The following HDAC4 variants were observed in gnomAD, a reference collection of about 807,000 sequenced individuals.
HDAC4 encodes the protein histone deacetylase 4.
Under a neutral mutation model 135.1 loss-of-function variants are expected in HDAC4, and 16 were observed. That is an observed-to-expected ratio of 0.12 (90% CI 0.08 to 0.18). The LOEUF (loss-of-function observed/expected upper bound fraction) is 0.18. HDAC4 is among the 10% of genes least tolerant of loss of function. The pLI is 1.00. For synonymous variants in HDAC4, 685 were observed against 653.4 expected, an observed-to-expected ratio of 1.05 and a Z score of -0.74; for missense variants, 1,143 against 1,511.8, an observed-to-expected ratio of 0.76 and a Z score of 4.05.
At chr2:239,315,603 T>C (rs2053083940) in intron 2 of HDAC4, among the ~76,000 whole-genome samples, 1 of 151,970 alleles carries the variant, frequency 6.6e-6, no homozygotes, top group African/African-American at 2.4e-5. Context: ...GAAACAGAAG[T>C]ACAGACGGAA....
intron 3 of HDAC4, among the ~76,000 whole-genome samples, chr2:239,230,368 C>CAAAAA (rs56105562): frequency 2.8e-3 from 221 of 79,244 alleles, no homozygotes; most frequent in African/African-American, 4.3e-3. Context: ...AGCAAGCAAG[C>CAAAAA]AAAAAAAAAA....
At chr2:239,111,915 G>T (rs551584650) in intron 13 of HDAC4, among the ~76,000 whole-genome samples, 1 of 152,312 alleles carries the variant, frequency 6.6e-6, no homozygotes, top group East Asian at 1.9e-4. Context: ...CAAGAACGAG[G>T]CCAGCACAGG....
In HDAC4 at chr2:239,152,277, G is replaced by A. The variant is rs571301023; in HGVS notation, c.733+4375C>T. Among the ~76,000 whole-genome samples, 29 of 152,196 alleles carry A rather than the reference G, an allele frequency of 1.9e-4. No homozygotes were observed. The East Asian group carries it at 2.7e-3, about 14-fold the overall frequency. On this transcript the variant is annotated intron_variant, in intron 7 of 26. Transcript: ENST00000543185. The stretch of plus-strand genomic sequence containing the variant: ...CCACACAGTGCAGGAAAGATCCAGC[G>A]TCCTATGTCCATGACAGTGATCCAC...
chr2:239,349,578 C>G lies in HDAC4; in HGVS notation c.22+3100G>C, dbSNP rs931856829. Reference sequence around the variant, plus strand: ...TTGGGAAGGCACACAAGCGAGTGGGCCTCGCCCAGGAGGGAGGGCACGGTT... The same window carrying G: ...TTGGGAAGGCACACAAGCGAGTGGGGCTCGCCCAGGAGGGAGGGCACGGTT... On this transcript the variant is annotated intron_variant, in intron 2 of 26. Coordinates refer to ENST00000543185, the MANE Select transcript of HDAC4 (RefSeq NM_001378414.1). The surrounding 1 kb of genome is among the most constrained non-coding windows in gnomAD (Gnocchi z 5.7). Among the ~76,000 whole-genome samples the G allele has an allele frequency of 2.6e-5, 4 of 152,182 alleles. No homozygotes were observed. The highest frequency in any genetic ancestry group is 4.4e-5 in the Non-Finnish European group (3 of 68,036).
intron 2 of HDAC4, among the ~76,000 whole-genome samples, chr2:239,257,167 A>G (rs2049095617): frequency 6.6e-6 from 1 of 152,186 alleles, no homozygotes; most frequent in Non-Finnish European, 1.5e-5. Flanking sequence ...CTTATAGAAG[A>G]ATTTTGTTTT....
chr2:239,196,534 G>A (rs756455695), intron 3 of HDAC4, among the ~76,000 whole-genome samples: 3 of 152,238 alleles, frequency 2.0e-5, no homozygotes, highest in Non-Finnish European at 4.4e-5. Context: ...AGTTGACGAT[G>A]GTTCCCGGGA....
chr2:239,385,757 A>C (rs977381081), intron 1 of HDAC4, among the ~76,000 whole-genome samples: 12 of 152,188 alleles, frequency 7.9e-5, no homozygotes, highest in Non-Finnish European at 1.5e-4. Context: ...ACAACTCACA[A>C]AGGGGACAGG....
intron 6 of HDAC4, among the ~76,000 whole-genome samples, chr2:239,157,720 A>G (rs922301287): frequency 2.6e-5 from 4 of 152,262 alleles, no homozygotes; most frequent in Non-Finnish European, 5.9e-5. Flanking sequence ...AGACTATTTG[A>G]ATACATAGTA....
chr2:239,166,467 G>A (rs2043128370), intron 5 of HDAC4, among the ~76,000 whole-genome samples: 1 of 152,202 alleles, frequency 6.6e-6, no homozygotes, highest in Non-Finnish European at 1.5e-5. Flanking sequence ...TGACTGCGGT[G>A]AGCACTGCCC....
chr2:239,242,649 C>T (rs1490729758), intron 2 of HDAC4, among the ~76,000 whole-genome samples: 1 of 152,180 alleles, frequency 6.6e-6, no homozygotes, highest in Non-Finnish European at 1.5e-5. Flanking sequence ...ATTCTGCTGG[C>T]TCAGTCCTAC....
At chr2:239,195,299 T>C (rs541636945) in intron 3 of HDAC4, among the ~76,000 whole-genome samples, 19 of 152,322 alleles carry the variant, frequency 1.2e-4, no homozygotes, top group Admixed American at 8.5e-4. Context: ...CTGCATCCCA[T>C]GCGCACCTCC....
At chr2:239,107,318 C>T (rs1428870237) in intron 15 of HDAC4, among the ~76,000 whole-genome samples, 1 of 152,244 alleles carries the variant, frequency 6.6e-6, no homozygotes, top group Non-Finnish European at 1.5e-5. Context: ...GGCTCTGGTT[C>T]CTATCAGGAG....
At chr2:239,289,002 G>A (rs1052812533) in intron 2 of HDAC4, among the ~76,000 whole-genome samples, 1 of 152,200 alleles carries the variant, frequency 6.6e-6, no homozygotes, top group Admixed American at 6.5e-5. Context: ...AGGGGAGTGC[G>A]GCTGCAGCGC....
At chr2:239,143,760 T>G (rs1383618247) in intron 8 of HDAC4, among the ~76,000 whole-genome samples, 1 of 152,228 alleles carries the variant, frequency 6.6e-6, no homozygotes, top group Non-Finnish European at 1.5e-5. Flanking sequence ...CCTCCCCGGC[T>G]TCCCTAGGTC....
chr2:239,087,550 T>C lies in HDAC4; in HGVS notation c.2444+9A>G, dbSNP rs778508657. The C allele has an allele frequency of 2.5e-6, 4 of 1,612,852 alleles. No homozygotes were observed. In the South Asian group the frequency reaches 4.4e-5, roughly 18 times the overall value. ...TCCCCTGCTGTGCGGGGCTGCGGCG[T>C]GTACTCACATGGGCGTGCTCTCCTC... On this transcript the variant is annotated intron_variant, in intron 19 of 26. Coordinates refer to ENST00000543185, the MANE Select transcript of HDAC4 (RefSeq NM_001378414.1).
intron 2 of HDAC4, among the ~76,000 whole-genome samples, chr2:239,318,230 T>G (rs1382438728): frequency 6.6e-6 from 1 of 152,220 alleles, no homozygotes; most frequent in Non-Finnish European, 1.5e-5. Flanking sequence ...CAGCATCACC[T>G]TCACTGAGAG....
intron 2 of HDAC4, among the ~76,000 whole-genome samples, chr2:239,289,590 T>TCTAGACC (rs2051344250): frequency 6.6e-6 from 1 of 151,422 alleles, no homozygotes; most frequent in African/African-American, 2.4e-5. Context: ...GGTCTTTTCT[T>TCTAGACC]CTGGAAATCC....
intron 16 of HDAC4, among the ~76,000 whole-genome samples, chr2:239,101,398 A>G (rs2037617159): frequency 2.0e-5 from 3 of 152,160 alleles, no homozygotes; most frequent in African/African-American, 7.2e-5. Flanking sequence ...GAACGCATGA[A>G]GGACTAGGAG....
intron 3 of HDAC4, among the ~76,000 whole-genome samples, chr2:239,198,949 G>A (rs1055109868): frequency 6.6e-6 from 1 of 152,064 alleles, no homozygotes; most frequent in Non-Finnish European, 1.5e-5. Flanking sequence ...ATCAACACAC[G>A]CAAATAAATG....
Sources: gnomAD v4.1 joint callset for allele counts (sites outside exome capture counted in the v4.1 genomes callset) on GRCh38, gnomAD v4.1.1 for gene constraint, Gnocchi (gnomAD v3.1) non-coding constraint, MANE v1.5 for transcripts, NCBI Gene and HGNC (gene_info 2026-07-23, HGNC 2026-07-21) for gene names.